RCOR1: variants seen among roughly 807,000 people sequenced by gnomAD.
RCOR1 encodes REST corepressor.
Under a neutral mutation model 64.0 loss-of-function variants are expected in RCOR1, and 12 were observed. The observed-to-expected ratio is 0.19, with a 90% CI of 0.12 to 0.30. The LOEUF is 0.30. Among genes scored for constraint, RCOR1 ranks in the 10% least tolerant of loss-of-function variants. The probability of loss-of-function intolerance (pLI) is 1.00; values close to 1 mark genes in which losing one functional copy is unlikely to be tolerated. For synonymous variants in RCOR1, 279 were observed against 227.2 expected, an observed-to-expected ratio of 1.23 and a Z score of -2.05; for missense variants, 502 against 621.2, an observed-to-expected ratio of 0.81 and a Z score of 2.04.
chr14:102,700,954 G>A (rs1041836406), intron 3 of RCOR1, among the ~76,000 whole-genome samples: 2 of 152,230 alleles, frequency 1.3e-5, no homozygotes, highest in Non-Finnish European at 2.9e-5. Context: ...GGAGCGAGGA[G>A]CAAGTCATAT....
At chr14:102,653,920 CTTCTTTCTTTCT>C (rs553960381) in intron 2 of RCOR1, among the ~76,000 whole-genome samples, 4,116 of 98,708 alleles carry the variant, frequency 0.042, 264 homozygotes, top group East Asian at 0.067. Flanking sequence ...CAGGTATTTC[CTTCTTTCTTTCT>C]TTCTTTCTTT....
At chr14:102,676,361 C>CTCCT (rs1895154634) in intron 2 of RCOR1, among the ~76,000 whole-genome samples, 1 of 143,336 alleles carries the variant, frequency 7.0e-6, no homozygotes. Context: ...ACCACCCTCC[C>CTCCT]GGACGGGGCG....
intron 2 of RCOR1, among the ~76,000 whole-genome samples, chr14:102,648,332 G>A (rs747833688): frequency 4.5e-4 from 68 of 152,172 alleles, no homozygotes; most frequent in Non-Finnish European, 8.2e-4. Context: ...GCCTGCCTTG[G>A]CCTCCCGAAG....
At chr14:102,653,440 G>A (rs1437593578) in intron 2 of RCOR1, among the ~76,000 whole-genome samples, 5 of 152,238 alleles carry the variant, frequency 3.3e-5, no homozygotes, top group African/African-American at 7.2e-5. Flanking sequence ...GGCTGGCCTC[G>A]GCTTCCCAAA....
At chr14:102,683,713 G>T (rs1471209569) in intron 3 of RCOR1, among the ~76,000 whole-genome samples, 3 of 152,248 alleles carry the variant, frequency 2.0e-5, no homozygotes, top group Admixed American at 6.5e-5. Flanking sequence ...ATGGCAGCCA[G>T]TGCGCTCGGC....
chr14:102,676,381 G>T (rs1387837690), intron 2 of RCOR1, among the ~76,000 whole-genome samples: 1 of 142,384 alleles, frequency 7.0e-6, no homozygotes, highest in Non-Finnish European at 1.5e-5. Flanking sequence ...GGCTGGCCGG[G>T]CAGAGGGGCT....
intron 4 of RCOR1, among the ~76,000 whole-genome samples, chr14:102,703,560 C>T (rs916365966): frequency 1.3e-5 from 2 of 152,166 alleles, no homozygotes; most frequent in African/African-American, 4.8e-5. Flanking sequence ...ATATTCAAAG[C>T]AGCAAGAGAA....
intron 2 of RCOR1, among the ~76,000 whole-genome samples, chr14:102,596,149 T>C (rs1284512563): frequency 6.6e-6 from 1 of 152,014 alleles, no homozygotes; most frequent in African/African-American, 2.4e-5. Flanking sequence ...TTGCCCACGC[T>C]GGAGTGCAAT....
At chr14:102,601,205 G>A (rs1185190065) in intron 2 of RCOR1, among the ~76,000 whole-genome samples, 2 of 151,618 alleles carry the variant, frequency 1.3e-5, no homozygotes, top group African/African-American at 2.4e-5. Context: ...AAAAGACGGG[G>A]TTTCACTATG....
At chr14:102,606,739 G>A (rs781087557) in intron 2 of RCOR1, among the ~76,000 whole-genome samples, 1 of 149,224 alleles carries the variant, frequency 6.7e-6, no homozygotes, top group Non-Finnish European at 1.5e-5. Flanking sequence ...GGGCACCAGT[G>A]ATCCTCCTGC....
Position 102,726,549 on chromosome 14 carries a change from T to C in RCOR1, c.*43T>C, listed in dbSNP as rs750622609. On this transcript the variant is annotated 3_prime_UTR_variant, in exon 12 of 12. Transcript: ENST00000262241. ...ACACTTGGTGTGGACTACTGTGTTA[T>C]CCGGGATATCAGGTATTATGAGACA... 2 of 1,525,132 alleles carry C rather than the reference T, an allele frequency of 1.3e-6. No homozygotes were observed. The highest frequency in any genetic ancestry group is 1.8e-6 in the Non-Finnish European group (2 of 1,113,566). 94.5% of individuals were successfully genotyped at this position (1,525,132 alleles called of 1,614,324 possible).
At chr14:102,661,427 A>G (rs1894821284) in intron 2 of RCOR1, among the ~76,000 whole-genome samples, 1 of 152,222 alleles carries the variant, frequency 6.6e-6, no homozygotes. Context: ...TTTTAGTTTC[A>G]CCAAAAGATA....
Position 102,592,810 on chromosome 14 carries a change from C to G in RCOR1, c.-77C>G. ...CGCCCGGCCCCGCGCCGGCCCCGCGCCCCCTCCCCCGTCTCGGCGCCCCCT... is the reference window on the plus strand; with the variant it reads ...CGCCCGGCCCCGCGCCGGCCCCGCGGCCCCTCCCCCGTCTCGGCGCCCCCT... On this transcript the variant is annotated 5_prime_UTR_variant, in exon 1 of 12. Transcript: ENST00000262241. The G allele has an allele frequency of 5.9e-6, 7 of 1,178,370 alleles. No homozygotes were observed. Among genetic ancestry groups the G allele is most frequent in the Non-Finnish European group, 7.3e-6 (7 of 953,652 alleles). 73.0% of individuals were successfully genotyped at this position (1,178,370 alleles called of 1,614,324 possible). A position where few individuals can be genotyped will look rare whatever the true frequency, so the allele number is the denominator to read the frequency against.
At chr14:102,664,878 G>A (rs1354156185) in intron 2 of RCOR1, among the ~76,000 whole-genome samples, 4 of 152,102 alleles carry the variant, frequency 2.6e-5, no homozygotes, top group African/African-American at 9.7e-5. Context: ...TTAAGCATTC[G>A]ACTTAGTATT....
intron 5 of RCOR1, among the ~76,000 whole-genome samples, chr14:102,708,178 G>T (rs2139984847): frequency 6.6e-6 from 1 of 152,274 alleles, no homozygotes; most frequent in Non-Finnish European, 1.5e-5. Flanking sequence ...TGTTGGCCAG[G>T]ATGGTCTCGA....
At chr14:102,622,533 C>G (rs1444912820) in intron 2 of RCOR1, among the ~76,000 whole-genome samples, 2 of 152,140 alleles carry the variant, frequency 1.3e-5, no homozygotes, top group Admixed American at 1.3e-4. Flanking sequence ...CTTTTCTGAT[C>G]CTGTTTTTCA....
chr14:102,697,181 A>AGAG (rs1390488829), intron 3 of RCOR1, among the ~76,000 whole-genome samples: 1 of 152,202 alleles, frequency 6.6e-6, no homozygotes, highest in African/African-American at 2.4e-5. Context: ...TTCTGTGAGG[A>AGAG]GAGGAGGAGG....
intron 6 of RCOR1, among the ~76,000 whole-genome samples, chr14:102,710,526 C>G (rs531119687): frequency 2.8e-4 from 42 of 152,226 alleles, no homozygotes; most frequent in African/African-American, 1.0e-3. Flanking sequence ...GGTTTATTCC[C>G]AATGCAGTGG....
chr14:102,632,756 TCCC>T (rs1567415346), intron 2 of RCOR1, among the ~76,000 whole-genome samples: 8 of 45,910 alleles, frequency 1.7e-4, no homozygotes, highest in African/African-American at 5.6e-4. Flanking sequence ...TCCCCTCCCC[TCCC>T]CTCCCCTCCC....
Sources: gnomAD v4.1 joint callset for allele counts (sites outside exome capture counted in the v4.1 genomes callset) on GRCh38, gnomAD v4.1.1 for gene constraint, MANE v1.5 for transcripts, NCBI Gene and HGNC (gene_info 2026-07-23, HGNC 2026-07-21) for gene names.